Variants in CPQ observed in about 807,000 individuals in gnomAD.
CPQ encodes carboxypeptidase Q.
In CPQ, 37 loss-of-function variants were observed where a neutral mutation model predicts 45.7. That is an observed-to-expected ratio of 0.81 (90% CI 0.62 to 1.07). The LOEUF (loss-of-function observed/expected upper bound fraction) is 1.07, where lower values mean the gene tolerates loss of function less well. Among genes scored for constraint, CPQ ranks in the 50% least tolerant of loss-of-function variants. The pLI, the probability that CPQ is intolerant of heterozygous loss-of-function variation, is 0.00. For missense variants in CPQ, 537 were observed against 572.9 expected, an observed-to-expected ratio of 0.94 and a Z score of 0.64; for synonymous variants, 186 against 205.8, an observed-to-expected ratio of 0.90 and a Z score of 0.82.
chr8:97,073,427 T>C (rs1375372968), intron 7 of CPQ, among the ~76,000 whole-genome samples: 2 of 152,184 alleles, frequency 1.3e-5, no homozygotes, highest in African/African-American at 4.8e-5. Context: ...CTATATCCCC[T>C]GTTGTCCCTA....
chr8:96,653,916 A>G (rs1424968127), intron 1 of CPQ, among the ~76,000 whole-genome samples: 1 of 152,196 alleles, frequency 6.6e-6, no homozygotes, highest in African/African-American at 2.4e-5. Context: ...TAATTTCTGT[A>G]TGGCTACTTT....
At chr8:96,865,835 T>C (rs1811989996) in intron 3 of CPQ, among the ~76,000 whole-genome samples, 1 of 152,062 alleles carries the variant, frequency 6.6e-6, no homozygotes, top group Non-Finnish European at 1.5e-5. Flanking sequence ...CTCCATTCAC[T>C]CATTTATTCA....
intron 4 of CPQ, among the ~76,000 whole-genome samples, chr8:96,959,891 C>CAAAAAAAAAAA (rs540520742): frequency 3.7e-5 from 3 of 80,544 alleles, no homozygotes; most frequent in South Asian, 4.5e-4. Context: ...ATCACAAAAG[C>CAAAAAAAAAAA]AAAAAAAAAA....
intron 1 of CPQ, among the ~76,000 whole-genome samples, chr8:96,701,885 C>T (rs895497706): frequency 6.6e-6 from 1 of 152,196 alleles, no homozygotes; most frequent in Non-Finnish European, 1.5e-5. Flanking sequence ...GTATCTCACT[C>T]ATCCCTTCTA....
intron 1 of CPQ, among the ~76,000 whole-genome samples, chr8:96,760,217 T>C (rs1810382231): frequency 6.6e-6 from 1 of 152,164 alleles, no homozygotes; most frequent in African/African-American, 2.4e-5. Flanking sequence ...GAGGTAAAAT[T>C]GGGAGCTGTA....
rs1009465627 is a variant in CPQ, at chr8:96,941,005, A to G, written c.850-24930A>G. ...AGCCAGCATGCTTTTTCACCCTCCC[A>G]TATAAGTAAGAGCTTGTAATCACCC... On this transcript the variant is annotated intron_variant, in intron 4 of 7. Coordinates refer to ENST00000220763, the MANE Select transcript of CPQ (RefSeq NM_016134.4). 2.0e-4 allele frequency among the ~76,000 whole-genome samples: 30 copies of G among 152,278 alleles called. 1 individual carries two copies. Among genetic ancestry groups the G allele is most frequent in the Admixed American group, 7.8e-4 (12 of 15,288 alleles).
chr8:97,123,188 AT>A, intron 7 of CPQ, among the ~76,000 whole-genome samples: 2 of 128,230 alleles, frequency 1.6e-5, no homozygotes, highest in African/African-American at 5.8e-5. Context: ...ATAAAATAAA[AT>A]AAAATAAAAT....
At chr8:97,089,339 T>C (rs1365751274) in intron 7 of CPQ, among the ~76,000 whole-genome samples, 1 of 152,162 alleles carries the variant, frequency 6.6e-6, no homozygotes, top group Non-Finnish European at 1.5e-5. Flanking sequence ...GAAAGTTGCA[T>C]TGCTTCTATT....
At chr8:96,958,651 C>T (rs530610745) in intron 4 of CPQ, among the ~76,000 whole-genome samples, 12 of 152,278 alleles carry the variant, frequency 7.9e-5, no homozygotes, top group African/African-American at 1.9e-4. Context: ...GGTTTTCATG[C>T]GCCGCAGATA....
chr8:97,094,590 A>G (rs962077543), intron 7 of CPQ, among the ~76,000 whole-genome samples: 14 of 151,950 alleles, frequency 9.2e-5, no homozygotes, highest in Non-Finnish European at 1.5e-4. Flanking sequence ...TTCTGTTCCT[A>G]TAGCATGTGT....
chr8:97,118,787 TAC>T (rs1375502855), intron 7 of CPQ, among the ~76,000 whole-genome samples: 2 of 152,148 alleles, frequency 1.3e-5, no homozygotes, highest in African/African-American at 2.4e-5. Flanking sequence ...TATATATAGG[TAC>T]ACACACATAT....
intron 7 of CPQ, among the ~76,000 whole-genome samples, chr8:97,130,427 T>G (rs1057196262): frequency 1.7e-4 from 26 of 151,330 alleles, no homozygotes; most frequent in East Asian, 1.9e-4. Flanking sequence ...GCTGTTTTTT[T>G]TTTTTTTTTT....
At chr8:96,755,981 C>G (rs1180333228) in intron 1 of CPQ, among the ~76,000 whole-genome samples, 1 of 151,928 alleles carries the variant, frequency 6.6e-6, no homozygotes, top group Admixed American at 6.6e-5. Context: ...TCAGACTCCC[C>G]ATTTCTAATC....
intron 4 of CPQ, among the ~76,000 whole-genome samples, chr8:96,961,216 G>A (rs1342622257): frequency 6.6e-6 from 1 of 152,118 alleles, no homozygotes; most frequent in East Asian, 1.9e-4. Context: ...TCTCATTTGT[G>A]TGATTTTAAA....
intron 5 of CPQ, among the ~76,000 whole-genome samples, chr8:97,015,605 C>T (rs1306252688): frequency 6.6e-6 from 1 of 152,062 alleles, no homozygotes; most frequent in Non-Finnish European, 1.5e-5. Context: ...TAAAGTTCTA[C>T]ATTAAGCAAA....
chr8:97,071,423 G>A (rs1810740887), intron 7 of CPQ, among the ~76,000 whole-genome samples: 1 of 152,104 alleles, frequency 6.6e-6, no homozygotes, highest in Non-Finnish European at 1.5e-5. Flanking sequence ...CTCCACTTGT[G>A]TTCTCCTCCT....
intron 2 of CPQ, among the ~76,000 whole-genome samples, chr8:96,821,748 A>G (rs1444810429): frequency 6.6e-6 from 1 of 151,238 alleles, no homozygotes; most frequent in Non-Finnish European, 1.5e-5. Context: ...TTCTTTTTTC[A>G]TTTTTCAGCT....
At chr8:96,913,918 G>C (rs941671142) in intron 4 of CPQ, among the ~76,000 whole-genome samples, 7 of 152,170 alleles carry the variant, frequency 4.6e-5, no homozygotes, top group African/African-American at 1.7e-4. Context: ...GGTTTACAAA[G>C]TGATTATAAA....
At chr8:96,725,725 A>G (rs1809828114) in intron 1 of CPQ, among the ~76,000 whole-genome samples, 1 of 152,224 alleles carries the variant, frequency 6.6e-6, no homozygotes, top group African/African-American at 2.4e-5. Flanking sequence ...CAGCAATCCC[A>G]TTATTTGGTA....
Sources: allele counts gnomAD v4.1 joint callset (sites outside exome capture counted in the v4.1 genomes callset), GRCh38; gene constraint gnomAD v4.1.1; transcripts MANE v1.5; gene names NCBI Gene and HGNC (gene_info 2026-07-23, HGNC 2026-07-21).